STRN: variants seen among roughly 807,000 people sequenced by gnomAD.
The protein encoded by STRN is striatin, also known as protein phosphatase 2 regulatory subunit B'''alpha.
STRN carries 53 observed loss-of-function variants against 96.3 expected under a neutral mutation model. The ratio of observed to expected loss-of-function variants is 0.55; its 90% CI spans 0.44 to 0.69. The LOEUF (loss-of-function observed/expected upper bound fraction) is 0.69. STRN is among the 30% of genes least tolerant of loss of function. The probability of loss-of-function intolerance (pLI) is 0.00; values close to 1 mark genes in which losing one functional copy is unlikely to be tolerated. For synonymous variants in STRN, 428 were observed against 355.9 expected (o/e 1.20, Z -2.28); for missense variants, 987 against 963.9 (o/e 1.02, Z -0.32).
intron 2 of STRN, among the ~76,000 whole-genome samples, chr2:36,918,696 G>A (rs529565538): frequency 6.6e-6 from 1 of 152,202 alleles, no homozygotes; most frequent in South Asian, 2.1e-4. Flanking sequence ...TTAAATCAAG[G>A]TCTCCCTACT....
intron 6 of STRN, among the ~76,000 whole-genome samples, chr2:36,896,983 C>T (rs1275626079): frequency 6.6e-6 from 1 of 152,058 alleles, no homozygotes; most frequent in Non-Finnish European, 1.5e-5. Flanking sequence ...GCCTGACCAA[C>T]ATGGAGAAAC....
chr2:36,918,074 C>G (rs1670156619), intron 2 of STRN, among the ~76,000 whole-genome samples: 1 of 152,094 alleles, frequency 6.6e-6, no homozygotes. Context: ...GATTAATTAA[C>G]TATATAGATA....
At chr2:36,953,264 T>C (rs1234214482) in intron 1 of STRN, among the ~76,000 whole-genome samples, 2 of 152,160 alleles carry the variant, frequency 1.3e-5, no homozygotes, top group African/African-American at 2.4e-5. Flanking sequence ...TTTCTCTCCA[T>C]CTCATCTACA....
intron 2 of STRN, 66 bp from the exon 3 acceptor site, chr2:36,916,217 G>C (rs928514264): frequency 3.7e-6 from 5 of 1,346,576 alleles, no homozygotes; most frequent in Non-Finnish European, 5.3e-6. Context: ...CACAATAGTA[G>C]TAGTCACAAG....
Position 36,839,055 on chromosome 2 carries a change from TG to T in STRN, c.*10400del. 6.6e-6 allele frequency among the ~76,000 whole-genome samples: 1 copy of T among 152,328 alleles called. No individual in the cohort carries two copies. The highest frequency in any genetic ancestry group is 1.9e-4 in the East Asian group (1 of 5,192). ...AGAATAAAACCCCATATGTAATAAC[TG>T]GGTATACACATTTGTATGAATAATT... On this transcript the variant is annotated 3_prime_UTR_variant, in exon 18 of 18. Transcript: ENST00000263918.
chr2:36,960,605 G>C (rs1665006441), intron 1 of STRN, among the ~76,000 whole-genome samples: 1 of 152,052 alleles, frequency 6.6e-6, no homozygotes, highest in Non-Finnish European at 1.5e-5. Flanking sequence ...TTCTCACAAG[G>C]TAATTTATTA....
chr2:36,865,664 C>A (rs992605369), intron 12 of STRN, among the ~76,000 whole-genome samples: 2 of 152,010 alleles, frequency 1.3e-5, no homozygotes, highest in African/African-American at 4.8e-5. Context: ...TGGGTTCAAG[C>A]AATTCTCCTG....
intron 7 of STRN, among the ~76,000 whole-genome samples, chr2:36,891,876 T>G (rs1422837135): frequency 6.6e-6 from 1 of 152,198 alleles, no homozygotes; most frequent in Non-Finnish European, 1.5e-5. Flanking sequence ...TTCAACAGAA[T>G]TTTTAAATGA....
At chr2:36,919,953 ATTC>A (rs1366743206) in intron 2 of STRN, among the ~76,000 whole-genome samples, 1 of 152,178 alleles carries the variant, frequency 6.6e-6, no homozygotes, top group Non-Finnish European at 1.5e-5. Flanking sequence ...TAGGTAAGTA[ATTC>A]TTCTGTAATA....
At chr2:36,899,796 C>T in intron 5 of STRN, 138 bp from the exon 6 acceptor site, 1 of 795,484 alleles carries the variant, frequency 1.3e-6, no homozygotes, top group Non-Finnish European at 1.9e-6. Context: ...TGATTCTTAT[C>T]AATTACACTC....
At chr2:36,945,841 T>G (rs1395291537) in intron 1 of STRN, among the ~76,000 whole-genome samples, 1 of 152,200 alleles carries the variant, frequency 6.6e-6, no homozygotes, top group Non-Finnish European at 1.5e-5. Flanking sequence ...CAACATCTAC[T>G]AGTTTTAACA....
chr2:36,932,006 A>C (rs1436593572), intron 1 of STRN, among the ~76,000 whole-genome samples: 1 of 152,114 alleles, frequency 6.6e-6, no homozygotes, highest in African/African-American at 2.4e-5. Context: ...TTTTTGGTAG[A>C]GACAGGGTCT....
intron 13 of STRN, among the ~76,000 whole-genome samples, chr2:36,859,925 C>A (rs186006100): frequency 3.3e-5 from 5 of 152,104 alleles, no homozygotes; most frequent in Admixed American, 1.3e-4. Context: ...AGAATGTAGA[C>A]AGATGAAGCA....
At position 36,905,595 on chromosome 2, in the gene STRN, G is replaced by T. The variant is rs1448487787; in HGVS notation, c.436C>A (p.Gln146Lys). The T allele has an allele frequency of 6.2e-7, 1 of 1,613,106 alleles. No individual in the cohort carries two copies. Residue 146 changes from glutamine (Q) to lysine (K), a missense_variant, in exon 4 of 18, where the codon CAG becomes AAG. Transcript: ENST00000263918. ...ATTAACTGGCTGTTTTGTTGTGGCT[G>T]CACTTCTGTTTCATTACCTTCATCT... is the stretch of plus-strand genomic sequence containing the variant. Reference protein sequence around the residue: ...DSDEGNETEVQPQQNSQLMWK... With the variant: ...DSDEGNETEVKPQQNSQLMWK...
rs1261374643 is a variant in STRN at position 36,842,059 on chromosome 2, A to T, written c.*7397T>A. The T allele has an allele frequency of 2.0e-5, 3 of 152,208 alleles. No homozygotes were observed. Among genetic ancestry groups the T allele is most frequent in the African/African-American group, 7.2e-5 (3 of 41,438 alleles). The allele number at this position is 152,208 out of a possible 1,614,324, so 9.4% of individuals were successfully genotyped here. On this transcript the variant is annotated 3_prime_UTR_variant, in exon 18 of 18. Transcript: ENST00000263918. ...AAGTTAATTTTGTTTATGCATGAAA[A>T]ATTATTGTCTTGGTCCCATTTCCAA...
At position 36,884,004 on chromosome 2, in the gene STRN, G is replaced by T; in HGVS notation, c.1114C>A (p.Pro372Thr). 6.9e-7 allele frequency: 1 copy of T among 1,444,360 alleles called. No individual in the cohort carries two copies. The highest frequency in any genetic ancestry group is 1.8e-5 in the South Asian group (1 of 56,842). 89.5% of individuals were successfully genotyped at this position (1,444,360 alleles called of 1,614,324 possible). ...RDVDELPSLQ[P>T]SVGSPSRPSS... ...GGTCTGGAAGGTGAACCCACAGATG[G>T]CTGCAATGAAGGAAGTTCATCAACA... Residue 372 changes from proline (P) to threonine (T), a missense_variant, in exon 9 of 18, where the codon CCA becomes ACA. Transcript: ENST00000263918.
chr2:36,853,748 AAATATGCT>A (rs1262076136), intron 15 of STRN, among the ~76,000 whole-genome samples: 1 of 152,208 alleles, frequency 6.6e-6, no homozygotes, highest in Non-Finnish European at 1.5e-5. Context: ...TTTTTTAAAA[AAATATGCT>A]AAATTCCAAA....
At chr2:36,959,198 C>G (rs571643970) in intron 1 of STRN, among the ~76,000 whole-genome samples, 52 of 151,952 alleles carry the variant, frequency 3.4e-4, no homozygotes, top group Non-Finnish European at 6.2e-4. Context: ...TTAAATGCAA[C>G]CAATAAAATA....
At chr2:36,957,746 T>TTTG (rs1558669963) in intron 1 of STRN, among the ~76,000 whole-genome samples, 2 of 70,628 alleles carry the variant, frequency 2.8e-5, no homozygotes, top group African/African-American at 7.7e-5. Context: ...CTTTTTGTCT[T>TTTG]TTTTTTTTTT....
Sources: gnomAD v4.1 joint callset for allele counts (sites outside exome capture counted in the v4.1 genomes callset) on GRCh38, gnomAD v4.1.1 for gene constraint, MANE v1.5 for transcripts, NCBI Gene and HGNC (gene_info 2026-07-23, HGNC 2026-07-21) for gene names.